The following ALDH9A1 variants were observed in gnomAD, a reference collection of about 807,000 sequenced individuals.
ALDH9A1 encodes aldehyde dehydrogenase 9 family member A1, also known as 4-trimethylaminobutyraldehyde dehydrogenase.
In ALDH9A1, 42 loss-of-function variants were observed where a neutral mutation model predicts 56.6. The observed-to-expected ratio is 0.74, with a 90% CI of 0.58 to 0.96. ALDH9A1 has a LOEUF of 0.96. ALDH9A1 is among the 40% of genes least tolerant of loss of function. ALDH9A1 has a pLI of 0.00. For synonymous variants in ALDH9A1, 242 were observed against 236.0 expected (o/e 1.03, Z -0.23); for missense variants, 661 against 651.5 (o/e 1.01, Z -0.16).
At position 165,696,016 on chromosome 1, in the gene ALDH9A1, T is replaced by A. The variant is rs184293249; in HGVS notation, c.182-619A>T. 9.2e-5 allele frequency among the ~76,000 whole-genome samples: 14 copies of A among 152,068 alleles called. No individual in the cohort carries two copies. The East Asian group carries it at 2.7e-3, about 29-fold the overall frequency. On this transcript the variant is annotated intron_variant, in intron 1 of 10. Transcript: ENST00000354775. ...ACAGGCGCCTGCCACCACACACAGC[T>A]AATTTTTGTATTTTTAGTAGAGACG... is the stretch of plus-strand genomic sequence containing the variant.
At chr1:165,670,795 G>A (rs1571167926) in intron 6 of ALDH9A1, among the ~76,000 whole-genome samples, 1 of 152,152 alleles carries the variant, frequency 6.6e-6, no homozygotes, top group Non-Finnish European at 1.5e-5. Context: ...AACAAGGTTG[G>A]GCATAGTGGC....
Position 165,698,433 on chromosome 1 carries a change from G to A in ALDH9A1, c.126C>T (p.Ala42=), listed in dbSNP as rs751741736. The change falls in exon 1 of 11, where the codon GCC becomes GCT. Residue 42 remains alanine (A), a synonymous_variant. Coordinates refer to ENST00000354775, the MANE Select transcript of ALDH9A1 (RefSeq NM_000696.4). The part of the protein sequence containing the change: ...VSQPLNYRGG[A]RVEPADASGT... ...CGGAGGCGTCCGCCGGCTCCACGCG[G>A]GCCCCGCCGCGGTAATTGAGCGGCT... The A allele has an allele frequency of 8.1e-6, 13 of 1,606,284 alleles. No individual in the cohort carries two copies. In the Admixed American group the frequency reaches 1.7e-4, roughly 21 times the overall value.
intron 4 of ALDH9A1, among the ~76,000 whole-genome samples, chr1:165,681,435 A>G (rs1054715363): frequency 6.6e-6 from 1 of 152,206 alleles, no homozygotes; most frequent in Non-Finnish European, 1.5e-5. Flanking sequence ...AAAGCTAGTG[A>G]CTATTTTTCC....
chr1:165,680,360 C>A, intron 5 of ALDH9A1, 127 bp downstream of exon 5: 2 of 987,874 alleles, frequency 2.0e-6, no homozygotes, highest in Non-Finnish European at 1.5e-6. Context: ...CTAATAAAAT[C>A]TCCTTCCCAT....
In ALDH9A1 at chr1:165,680,379, C is replaced by T. The variant is rs554939096; in HGVS notation, c.789+108G>A. On this transcript the variant is annotated intron_variant, in intron 5 of 10. Transcript: ENST00000354775. ...TAAAATCTCCTTCCCATTCCCAATT[C>T]AGGCTAGGTAAAATCAAAAGAGAAG... 202 of 1,188,362 alleles carry T rather than the reference C, an allele frequency of 1.7e-4. No individual in the cohort carries two copies. In the East Asian group the frequency reaches 4.8e-3, roughly 28 times the overall value. 73.6% of individuals were successfully genotyped at this position (1,188,362 alleles called of 1,614,324 possible).
intron 1 of ALDH9A1, 151 bp downstream of exon 1, chr1:165,698,227 C>T: frequency 1.5e-6 from 2 of 1,378,762 alleles, no homozygotes; most frequent in Non-Finnish European, 1.9e-6. Context: ...GCCCCAGAAT[C>T]GCTAGTTGCC....
At chr1:165,668,379 T>C (rs1206283591) in intron 8 of ALDH9A1, among the ~76,000 whole-genome samples, 1 of 152,164 alleles carries the variant, frequency 6.6e-6, no homozygotes, top group African/African-American at 2.4e-5. Flanking sequence ...TAAAAGAGCC[T>C]GGTGCCTCTC....
Position 165,669,384 on chromosome 1 carries a change from C to T in ALDH9A1, c.997G>A (p.Val333Met), listed in dbSNP as rs1229487682. The change falls in exon 7 of 11, where the codon GTG (valine) becomes ATG (methionine). Residue 333 changes from valine to methionine, a missense_variant. Physicochemically the swap from Val to Met is conservative, Grantham distance 21. Transcript: ENST00000354775. ...EILDKFTEEV[V>M]KQTQRIKIGD... is the part of the protein sequence containing the mutation. ...ATTTTAATCCTTTGGGTCTGTTTCACCACTTCCTCTGTAAATTTATCAAGA... is the reference window on the plus strand; with the variant it reads ...ATTTTAATCCTTTGGGTCTGTTTCATCACTTCCTCTGTAAATTTATCAAGA... 1.5e-5 allele frequency: 24 copies of T among 1,613,850 alleles called. No homozygotes were observed. Among genetic ancestry groups the T allele is most frequent in the Middle Eastern group, 1.6e-4 (1 of 6,082 alleles).
rs139938644 is a variant in ALDH9A1, at chr1:165,688,472, A to T, written c.328-5362T>A. ...ATGTGAAATATTTTACCTTATTCTT[A>T]AAATATTTTAAAAAATAATTGTTTA... On this transcript the variant is annotated intron_variant, in intron 2 of 10. Coordinates refer to ENST00000354775, the MANE Select transcript of ALDH9A1 (RefSeq NM_000696.4). Among the ~76,000 whole-genome samples, 102 of 152,360 alleles carry T rather than the reference A, an allele frequency of 6.7e-4. No individual in the cohort carries two copies. The East Asian group carries it at 0.01, about 16-fold the overall frequency.
In ALDH9A1 at chr1:165,680,495, C is replaced by A. The variant is rs757811733; in HGVS notation, c.781G>T (p.Gly261Cys). The A allele has an allele frequency of 6.2e-7, 1 of 1,613,934 alleles. No individual in the cohort carries two copies. Among genetic ancestry groups the A allele is most frequent in the South Asian group, 1.1e-5 (1 of 91,054 alleles). ...KVSFTGSVPT[G>C]MKIMEMSAKG... ...ACTGGTTTTGTCCTCACCTTCATGC[C>A]AGTGGGCACACTTCCAGTGAAGGAG... The change falls in exon 5 of 11, where the codon GGC (glycine) becomes TGC (cysteine). Residue 261 changes from glycine to cysteine, a missense_variant. Physicochemically the swap from Gly to Cys is radical, Grantham distance 159 (BLOSUM62 -3). Transcript: ENST00000354775.
At chr1:165,671,438 G>C in intron 6 of ALDH9A1, 2 of 445,996 alleles carry the variant, frequency 4.5e-6, no homozygotes, top group South Asian at 3.3e-5. Flanking sequence ...GTGGGATCCT[G>C]AGAGATTCAC....
At chr1:165,696,872 T>C (rs1650105162) in intron 1 of ALDH9A1, among the ~76,000 whole-genome samples, 1 of 152,250 alleles carries the variant, frequency 6.6e-6, no homozygotes, top group Non-Finnish European at 1.5e-5. Context: ...AATTTTTCTT[T>C]CTTTTGTATC....
At position 165,679,566 on chromosome 1, in the gene ALDH9A1, G is replaced by T; in HGVS notation, c.806C>A (p.Ala269Asp). ...CAAGGTAACAGGTTTGATTCCTTTA[G>T]CTGACATCTCCATGATCTTGCAGAA... is the stretch of plus-strand genomic sequence containing the variant. ...PTGMKIMEMSAKGIKPVTLEL... is the reference protein window; with the variant it reads ...PTGMKIMEMSDKGIKPVTLEL... The change falls in exon 6 of 11, where the codon GCT becomes GAT. Residue 269 changes from alanine to aspartate, a missense_variant. Physicochemically the swap from Ala to Asp is moderately radical, Grantham distance 126. Transcript: ENST00000354775. 6.2e-7 allele frequency: 1 copy of T among 1,614,158 alleles called. No homozygotes were observed. Among genetic ancestry groups the T allele is most frequent in the Non-Finnish European group, 8.5e-7 (1 of 1,180,032 alleles).
At chr1:165,698,245 A>G in intron 1 of ALDH9A1, 133 bp downstream of exon 1, 2 of 1,394,520 alleles carry the variant, frequency 1.4e-6, no homozygotes, top group Non-Finnish European at 1.9e-6. Context: ...GCCTACACAC[A>G]CAACCTTAGA....
chr1:165,670,208 G>A (rs577419571), intron 6 of ALDH9A1, among the ~76,000 whole-genome samples: 13 of 152,272 alleles, frequency 8.5e-5, no homozygotes, highest in African/African-American at 2.2e-4. Flanking sequence ...CAAGGTGGGC[G>A]GATCACTTGA....
intron 5 of ALDH9A1, 38 bp from the exon 6 acceptor site, chr1:165,679,620 C>G: frequency 1.2e-6 from 2 of 1,611,754 alleles, no homozygotes; most frequent in Non-Finnish European, 1.7e-6. Flanking sequence ...AACTTTAACA[C>G]AAATTATATT....
intron 6 of ALDH9A1, chr1:165,676,429 G>C (rs772958763): frequency 2.3e-5 from 5 of 219,770 alleles, no homozygotes; most frequent in Non-Finnish European, 3.6e-5. Flanking sequence ...CAATACTGTA[G>C]ACATCAAGCG....
chr1:165,683,035 C>CG lies in ALDH9A1; in HGVS notation c.402_403insC (p.Asp135ArgfsTer20). The CG allele has an allele frequency of 1.2e-6, 2 of 1,614,044 alleles. No homozygotes were observed. Reference sequence around the variant, plus strand: ...TACTCCAGGCACTGCCAGGAAATGTCAATGTCCAAGCGGGCCTCAAAGATG... The same window carrying CG: ...TACTCCAGGCACTGCCAGGAAATGTCGAATGTCCAAGCGGGCCTCAAAGATG... On this transcript the variant is annotated frameshift_variant, in exon 3 of 11. Transcript: ENST00000354775. LOFTEE classifies it high-confidence loss of function.
chr1:165,676,710 G>T, intron 6 of ALDH9A1: 1 of 476,870 alleles, frequency 2.1e-6, no homozygotes, highest in East Asian at 6.4e-5. Context: ...CTCCACCCAG[G>T]GAATCCCACT....
Sources: gnomAD v4.1 joint callset for allele counts (sites outside exome capture counted in the v4.1 genomes callset) on GRCh38, gnomAD v4.1.1 for gene constraint, MANE v1.5 for transcripts, NCBI Gene and HGNC (gene_info 2026-07-23, HGNC 2026-07-21) for gene names.